The following MND1 variants were observed in gnomAD, a reference collection of about 807,000 sequenced individuals.
The protein encoded by MND1 is meiotic nuclear divisions 1, also known as meiotic nuclear division protein 1 homolog.
A neutral mutation model predicts 35.1 loss-of-function variants in MND1; 28 were observed. The ratio of observed to expected loss-of-function variants is 0.80; its 90% CI spans 0.59 to 1.09. MND1 has a LOEUF of 1.09. Ranked by LOEUF, MND1 falls within the 50% of genes least tolerant of loss-of-function variation. The pLI is 0.00. For missense variants in MND1, 213 were observed against 239.6 expected, an observed-to-expected ratio of 0.89 and a Z score of 0.73; for synonymous variants, 69 against 70.5, an observed-to-expected ratio of 0.98 and a Z score of 0.11.
rs555938510 is a variant in MND1, at chr4:153,350,045, G to T, written c.4-19G>T. 3 of 1,546,640 alleles carry T rather than the reference G, an allele frequency of 1.9e-6. No individual in the cohort carries two copies. The Admixed American group carries it at 5.8e-5, about 30-fold the overall frequency. The stretch of plus-strand genomic sequence containing the variant: ...ATGTGTTTAAAAGCATTGTTTACTT[G>T]TTAATTTTTTTGCTTTAGTCAAAGA... On this transcript the variant is annotated intron_variant, in intron 1 of 7. Transcript: ENST00000240488.
intron 6 of MND1, among the ~76,000 whole-genome samples, chr4:153,407,846 G>T (rs1029824023): frequency 1.2e-4 from 18 of 152,332 alleles, no homozygotes; most frequent in African/African-American, 3.1e-4. Context: ...CAGCAACTAG[G>T]TTAGTAGTTG....
intron 4 of MND1, among the ~76,000 whole-genome samples, chr4:153,376,506 T>G (rs1728514534): frequency 6.6e-6 from 1 of 152,188 alleles, no homozygotes; most frequent in South Asian, 2.1e-4. Flanking sequence ...CATTTTACTT[T>G]GGCTTGTGTT....
At chr4:153,404,799 G>T (rs898039783) in intron 6 of MND1, among the ~76,000 whole-genome samples, 1 of 151,968 alleles carries the variant, frequency 6.6e-6, no homozygotes, top group East Asian at 1.9e-4. Flanking sequence ...TTCTTTAAGC[G>T]GATCACAAAG....
chr4:153,404,747 A>G (rs1273354103), intron 6 of MND1, among the ~76,000 whole-genome samples: 4 of 151,938 alleles, frequency 2.6e-5, no homozygotes, highest in Non-Finnish European at 2.9e-5. Context: ...TGAAAGTGCT[A>G]GGATTACAGG....
intron 1 of MND1, among the ~76,000 whole-genome samples, chr4:153,346,380 T>C (rs988230783): frequency 3.9e-5 from 6 of 152,224 alleles, no homozygotes; most frequent in African/African-American, 1.2e-4. Flanking sequence ...TTTAAAATAC[T>C]TCCAGAAAGC....
At chr4:153,386,200 T>A (rs977817847) in intron 4 of MND1, among the ~76,000 whole-genome samples, 2 of 151,696 alleles carry the variant, frequency 1.3e-5, no homozygotes, top group Non-Finnish European at 2.9e-5. Context: ...TGTTTTTTTT[T>A]AATGAATGAG....
In MND1 at chr4:153,395,970, C is replaced by T. The variant is rs1363969078; in HGVS notation, c.352-1249C>T. Among the ~76,000 whole-genome samples, 4 of 152,290 alleles carry T rather than the reference C, an allele frequency of 2.6e-5. 1 individual carries two copies. In the South Asian group the frequency reaches 8.3e-4, roughly 32 times the overall value. On this transcript the variant is annotated intron_variant, in intron 5 of 7. Coordinates refer to ENST00000240488, the MANE Select transcript of MND1 (RefSeq NM_032117.4). ...GAACTCCTGGGCTCAAGTGATCCCC[C>T]TGCCTCAACCTCCTGAGTAGCTGGT...
chr4:153,413,412 G>T (rs1489562261), intron 7 of MND1, among the ~76,000 whole-genome samples: 3 of 152,160 alleles, frequency 2.0e-5, no homozygotes, highest in Non-Finnish European at 4.4e-5. Context: ...GGACACGGTG[G>T]CTCACACTTG....
intron 6 of MND1, among the ~76,000 whole-genome samples, chr4:153,404,683 TGGCCAGGC>T (rs1729445100): frequency 6.6e-5 from 10 of 151,866 alleles, no homozygotes; most frequent in Non-Finnish European, 1.3e-4. Context: ...TTCGCCATGT[TGGCCAGGC>T]TTGTCTTGAA....
At chr4:153,412,565 C>T (rs888144449) in intron 7 of MND1, among the ~76,000 whole-genome samples, 2 of 151,702 alleles carry the variant, frequency 1.3e-5, no homozygotes, top group African/African-American at 2.4e-5. Flanking sequence ...TCATCGCAAC[C>T]TCCACCTCCC....
At chr4:153,349,812 A>G (rs989438892) in intron 1 of MND1, among the ~76,000 whole-genome samples, 4 of 152,208 alleles carry the variant, frequency 2.6e-5, no homozygotes, top group African/African-American at 9.6e-5. Context: ...GTGGCTTATC[A>G]TTGGTTTACT....
chr4:153,408,933 T>TAA (rs745433309), intron 6 of MND1, 38 bp from the exon 7 acceptor site: 16,430 of 693,600 alleles, frequency 0.024, 327 homozygotes, highest in South Asian at 0.091. Context: ...TATATATATA[T>TAA]AAATACATTT....
intron 3 of MND1, among the ~76,000 whole-genome samples, chr4:153,356,191 A>G (rs138068583): frequency 5.4e-4 from 82 of 152,330 alleles, no homozygotes; most frequent in African/African-American, 1.9e-3. Flanking sequence ...ATGTGTTGAC[A>G]GGCATCCTTC....
intron 2 of MND1, 35 bp from the exon 3 acceptor site, chr4:153,355,619 C>A: frequency 7.4e-7 from 1 of 1,344,272 alleles, no homozygotes; most frequent in Non-Finnish European, 1.1e-6. Context: ...AAAATAAACA[C>A]GTGCTTTTCA....
At chr4:153,370,943 A>G (rs1203683348) in intron 4 of MND1, among the ~76,000 whole-genome samples, 2 of 152,096 alleles carry the variant, frequency 1.3e-5, no homozygotes, top group Admixed American at 1.3e-4. Flanking sequence ...TTTCTTAAAT[A>G]ATAAAACTTG....
intron 4 of MND1, among the ~76,000 whole-genome samples, chr4:153,392,313 G>A (rs1474145856): frequency 6.6e-6 from 1 of 151,990 alleles, no homozygotes; most frequent in African/African-American, 2.4e-5. Context: ...CACCATGTTA[G>A]CCAGGATGGT....
At position 153,397,274 on chromosome 4, in the gene MND1, A is replaced by G; in HGVS notation, c.407A>G (p.Gln136Arg). The change falls in exon 6 of 8, where the codon CAG (glutamine) becomes CGG (arginine). Residue 136 changes from glutamine to arginine, a missense_variant. Physicochemically the swap from Gln to Arg is conservative, Grantham distance 43. Transcript: ENST00000240488. ...TCTTCACTTCGAGACCAAAGGGAACAGCTAAAGGCAGAAGTAGAAAAATAC... is the reference window on the plus strand; with the variant it reads ...TCTTCACTTCGAGACCAAAGGGAACGGCTAAAGGCAGAAGTAGAAAAATAC... The part of the protein sequence containing the change: ...ELSSLRDQRE[Q>R]LKAEVEKYKD... 1 of 1,613,266 alleles carries G rather than the reference A, an allele frequency of 6.2e-7. No individual in the cohort carries two copies. The highest frequency in any genetic ancestry group is 1.1e-5 in the South Asian group (1 of 90,918).
At chr4:153,412,999 ATT>A (rs768906244) in intron 7 of MND1, among the ~76,000 whole-genome samples, 3 of 151,850 alleles carry the variant, frequency 2.0e-5, no homozygotes, top group African/African-American at 7.3e-5. Context: ...TAGAGACAGG[ATT>A]TTACTATGTC....
At chr4:153,397,405 C>T in intron 6 of MND1, 72 bp downstream of exon 6, 1 of 1,038,746 alleles carries the variant, frequency 9.6e-7, no homozygotes, top group Non-Finnish European at 1.4e-6. Flanking sequence ...TAGTTGCCTG[C>T]TAACTATTCT....
Sources: gnomAD v4.1 joint callset for allele counts (sites outside exome capture counted in the v4.1 genomes callset) on GRCh38, gnomAD v4.1.1 for gene constraint, MANE v1.5 for transcripts, NCBI Gene and HGNC (gene_info 2026-07-23, HGNC 2026-07-21) for gene names.